CCDC90B: variants seen among roughly 807,000 people sequenced by gnomAD.
CCDC90B encodes the protein coiled-coil domain-containing protein 90B, mitochondrial.
CCDC90B carries 24 observed loss-of-function variants against 37.0 expected under a neutral mutation model. The ratio of observed to expected loss-of-function variants is 0.65; its 90% CI spans 0.47 to 0.91. The LOEUF is 0.91. Among genes scored for constraint, CCDC90B ranks in the 40% least tolerant of loss-of-function variants. The pLI is 0.00. For missense variants in CCDC90B, 319 were observed against 299.0 expected (o/e 1.07, Z -0.49); for synonymous variants, 113 against 101.1 (o/e 1.12, Z -0.71).
intron 7 of CCDC90B, chr11:83,267,479 C>T (rs1337510929): frequency 6.6e-6 from 1 of 152,078 alleles, no homozygotes; most frequent in Non-Finnish European, 1.5e-5. Context: ...GCCCAAGCTT[C>T]AACAGCTGAT....
At chr11:83,275,931 G>T (rs1047679940) in intron 3 of CCDC90B, among the ~76,000 whole-genome samples, 2 of 152,212 alleles carry the variant, frequency 1.3e-5, no homozygotes, top group Non-Finnish European at 2.9e-5. Context: ...TTGGCATATG[G>T]TTAGCACTGA....
chr11:83,276,038 C>T (rs1294045789), intron 3 of CCDC90B, among the ~76,000 whole-genome samples: 1 of 152,160 alleles, frequency 6.6e-6, no homozygotes, highest in Non-Finnish European at 1.5e-5. Context: ...GTTTGGACTT[C>T]TTATAATACA....
chr11:83,264,986 A>G (rs1022862736), intron 8 of CCDC90B, among the ~76,000 whole-genome samples: 1 of 150,058 alleles, frequency 6.7e-6, no homozygotes, highest in Non-Finnish European at 1.5e-5. Flanking sequence ...GAGGGATAGC[A>G]TTGGGAGATA....
rs1863935956 is a variant in CCDC90B at position 83,261,749 on chromosome 11, ACAG to A, written c.*159_*161del. 1.8e-6 allele frequency: 1 copy of A among 544,054 alleles called. No homozygotes were observed. The highest frequency in any genetic ancestry group is 2.8e-5 in the South Asian group (1 of 35,204). 33.7% of individuals were successfully genotyped at this position (544,054 alleles called of 1,614,324 possible). ...GCACTCACACACACACAATAAAGAC[ACAG>A]TATCTCTTCTCATTCTAAAACACTT... On this transcript the variant is annotated 3_prime_UTR_variant, in exon 9 of 9. Transcript: ENST00000529689.
chr11:83,274,684 G>T lies in CCDC90B; in HGVS notation c.381C>A (p.Val127=). ...TTGCAAATTCACTTTTCTCTAGGAT[G>T]ACCATGTCTTTCCTGATAGCATCCA... is the stretch of plus-strand genomic sequence containing the variant. The part of the protein sequence containing the change: ...AHLDAIRKDM[V]ILEKSEFANL... The change falls in exon 4 of 9, where the codon GTC becomes GTA. Residue 127 remains valine (V), a synonymous_variant. Coordinates refer to ENST00000529689, the MANE Select transcript of CCDC90B (RefSeq NM_021825.5). 1 of 1,610,142 alleles carries T rather than the reference G, an allele frequency of 6.2e-7. No homozygotes were observed. The highest frequency in any genetic ancestry group is 1.1e-5 in the South Asian group (1 of 90,454).
intron 1 of CCDC90B, 62 bp downstream of exon 1, chr11:83,285,811 C>A (rs1305483423): frequency 1.3e-6 from 2 of 1,542,422 alleles, no homozygotes; most frequent in Admixed American, 3.9e-5. Context: ...GCAGGCGCGA[C>A]CCCACGGGCA....
At chr11:83,278,218 C>A (rs1163616371) in intron 3 of CCDC90B, among the ~76,000 whole-genome samples, 1 of 152,116 alleles carries the variant, frequency 6.6e-6, no homozygotes, top group African/African-American at 2.4e-5. Flanking sequence ...TAGCATTGTG[C>A]CACTTACATG....
intron 1 of CCDC90B, chr11:83,285,154 C>T (rs771890269): frequency 9.9e-5 from 126 of 1,274,084 alleles, no homozygotes; most frequent in Non-Finnish European, 1.2e-4. Flanking sequence ...AGAAGGTGAA[C>T]AGAGATAAGA....
At chr11:83,263,032 G>A (rs975510720) in intron 8 of CCDC90B, among the ~76,000 whole-genome samples, 4 of 152,140 alleles carry the variant, frequency 2.6e-5, no homozygotes, top group Non-Finnish European at 5.9e-5. Context: ...CAGTTACATC[G>A]CTAGCAAACA....
chr11:83,262,809 G>C (rs1051805054), intron 8 of CCDC90B, among the ~76,000 whole-genome samples: 1 of 152,088 alleles, frequency 6.6e-6, no homozygotes, highest in African/African-American at 2.4e-5. Flanking sequence ...TTAAGAAATG[G>C]GATTAGGCAT....
chr11:83,280,023 T>C, intron 2 of CCDC90B, 118 bp downstream of exon 2: 2 of 932,220 alleles, frequency 2.1e-6, no homozygotes, highest in Non-Finnish European at 1.6e-6. Flanking sequence ...AATATTTCAT[T>C]GTATGGATGG....
chr11:83,283,510 G>A (rs779833897), intron 1 of CCDC90B, among the ~76,000 whole-genome samples: 2 of 152,212 alleles, frequency 1.3e-5, no homozygotes, highest in Admixed American at 6.5e-5. Flanking sequence ...CCAATCCTAT[G>A]AGGTAGGTAT....
At chr11:83,284,189 G>A (rs927996891) in intron 1 of CCDC90B, among the ~76,000 whole-genome samples, 2 of 152,108 alleles carry the variant, frequency 1.3e-5, no homozygotes, top group South Asian at 2.1e-4. Context: ...TCGTAATAGC[G>A]AGATACAAAC....
At position 83,280,241 on chromosome 11, in the gene CCDC90B, G is replaced by A; in HGVS notation, c.120C>T (p.Thr40=). Residue 40 remains threonine (T), a synonymous_variant, in exon 2 of 9, where the codon ACC becomes ACT. Transcript: ENST00000529689. ...ALRREFFTTT[T]KEGYDRRPVD... Reference sequence around the variant, plus strand: ...CTGGCCGCCTATCATATCCCTCCTTGGTTGTGGTAGTGAAGAACTCTGAAA... The same window carrying A: ...CTGGCCGCCTATCATATCCCTCCTTAGTTGTGGTAGTGAAGAACTCTGAAA... 2 of 1,612,548 alleles carry A rather than the reference G, an allele frequency of 1.2e-6. No individual in the cohort carries two copies.
At chr11:83,285,723 C>A (rs1865643368) in intron 1 of CCDC90B, 150 bp downstream of exon 1, 2 of 1,443,070 alleles carry the variant, frequency 1.4e-6, no homozygotes, top group South Asian at 2.9e-5. Context: ...CAAGTCGGGG[C>A]AGCAGGCAGC....
intron 1 of CCDC90B, among the ~76,000 whole-genome samples, chr11:83,283,416 G>A (rs1865506442): frequency 6.6e-6 from 1 of 152,204 alleles, no homozygotes; most frequent in African/African-American, 2.4e-5. Flanking sequence ...ATGGGGTTAA[G>A]GAGAGCTGAG....
At chr11:83,266,183 G>A (rs1343280950) in intron 7 of CCDC90B, among the ~76,000 whole-genome samples, 3 of 152,330 alleles carry the variant, frequency 2.0e-5, no homozygotes, top group South Asian at 2.1e-4. Flanking sequence ...AGCTCCCAGC[G>A]TGATCAACGC....
intron 8 of CCDC90B, among the ~76,000 whole-genome samples, chr11:83,264,644 A>C (rs1016929496): frequency 4.6e-5 from 7 of 152,002 alleles, no homozygotes; most frequent in Admixed American, 2.6e-4. Flanking sequence ...CTTCATTTCA[A>C]CTTTGGTGAA....
rs1382921691 is a variant in CCDC90B, at chr11:83,280,146, G to A, written c.215C>T (p.Thr72Ile). ...DTHALVQDLE[T>I]HGFDKTQAET... is the part of the protein sequence containing the mutation. Reference sequence around the variant, plus strand: ...GAGGTATCCATGTTTCTCACCATGAGTTTCCAAGTCCTGAACCAATGCATG... The same window carrying A: ...GAGGTATCCATGTTTCTCACCATGAATTTCCAAGTCCTGAACCAATGCATG... Residue 72 changes from threonine to isoleucine, a missense_variant, in exon 2 of 9, where the codon ACT becomes ATT. Thr to Ile is a moderately conservative substitution (Grantham distance 89). Transcript: ENST00000529689. The A allele has an allele frequency of 4.2e-5, 67 of 1,610,092 alleles. No individual in the cohort carries two copies. Among genetic ancestry groups the A allele is most frequent in the Non-Finnish European group, 5.7e-5 (67 of 1,179,216 alleles).
Sources: gnomAD v4.1 joint callset for allele counts (sites outside exome capture counted in the v4.1 genomes callset) on GRCh38, gnomAD v4.1.1 for gene constraint, MANE v1.5 for transcripts, NCBI Gene and HGNC (gene_info 2026-07-23, HGNC 2026-07-21) for gene names.